The following HHIPL2 variants were observed in gnomAD, a reference collection of about 807,000 sequenced individuals.
HHIPL2 encodes HHIP like 2, also known as HHIP-like protein 2.
In HHIPL2, 61 loss-of-function variants were observed where a neutral mutation model predicts 61.0. The observed-to-expected ratio is 1.00, with a 90% confidence interval of 0.81 to 1.24. HHIPL2 has a LOEUF of 1.24. HHIPL2 is among the 50% of genes most tolerant of loss of function. HHIPL2 has a pLI of 0.00. For synonymous variants in HHIPL2, 343 were observed against 357.4 expected, an observed-to-expected ratio of 0.96 and a Z score of 0.45; for missense variants, 885 against 910.2, an observed-to-expected ratio of 0.97 and a Z score of 0.36.
intron 3 of HHIPL2, among the ~76,000 whole-genome samples, chr1:222,541,316 C>G (rs1348577510): frequency 6.6e-6 from 1 of 152,186 alleles, no homozygotes. Flanking sequence ...AAGACAGCAT[C>G]ACTGGGCTCT....
chr1:222,543,533 TC>T lies in HHIPL2; in HGVS notation c.974+3del. 1 of 1,608,488 alleles carries T rather than the reference TC, an allele frequency of 6.2e-7. No homozygotes were observed. Among genetic ancestry groups the T allele is most frequent in the Non-Finnish European group, 8.5e-7 (1 of 1,176,412 alleles). On this transcript the variant is annotated splice_donor_region_variant and intron_variant, in intron 2 of 8. Transcript: ENST00000343410. ...AGCTGTAGGCTCTCATGAGTACCTC[TC>T]ACCTCTCTGATTTCAGGTCAGCTTT... is the stretch of plus-strand genomic sequence containing the variant.
rs1659482418 is a variant in HHIPL2, at chr1:222,543,610, C to T, written c.901G>A (p.Val301Ile). 6.2e-7 allele frequency: 1 copy of T among 1,614,032 alleles called. No individual in the cohort carries two copies. Residue 301 changes from valine to isoleucine, a missense_variant, in exon 2 of 9, where the codon GTA becomes ATA. By Grantham distance (29) the Val-to-Ile change is conservative (BLOSUM62 3). Coordinates refer to ENST00000343410, the MANE Select transcript of HHIPL2 (RefSeq NM_024746.4). The part of the protein sequence containing the change: ...IYYSCLDKKK[V>I]EKIRISEMKV... Reference sequence around the variant, plus strand: ...ATCTCACTAATTCGGATCTTTTCTACCTTCTTCTTGTCCAGGCACGAATAA... The same window carrying T: ...ATCTCACTAATTCGGATCTTTTCTATCTTCTTCTTGTCCAGGCACGAATAA...
intron 5 of HHIPL2, among the ~76,000 whole-genome samples, chr1:222,533,795 G>A (rs1363006160): frequency 6.6e-6 from 1 of 152,154 alleles, no homozygotes; most frequent in Non-Finnish European, 1.5e-5. Flanking sequence ...TACAGGCAAA[G>A]CCCAGCAGGC....
intron 6 of HHIPL2, among the ~76,000 whole-genome samples, chr1:222,527,493 T>G (rs1659094558): frequency 6.6e-6 from 1 of 152,152 alleles, no homozygotes; most frequent in Non-Finnish European, 1.5e-5. Flanking sequence ...CCCTTCAGCC[T>G]CACTCCCATT....
At chr1:222,532,650 G>C (rs1472206089) in intron 5 of HHIPL2, among the ~76,000 whole-genome samples, 1 of 151,358 alleles carries the variant, frequency 6.6e-6, no homozygotes, top group Non-Finnish European at 1.5e-5. Context: ...TGCTGTGTAG[G>C]CTGCACCACT....
chr1:222,538,850 T>G, intron 4 of HHIPL2, 76 bp from the exon 5 acceptor site: 1 of 1,488,390 alleles, frequency 6.7e-7, no homozygotes, highest in Non-Finnish European at 9.2e-7. Flanking sequence ...AGGGGACTTT[T>G]TAATGCAGTT....
chr1:222,544,180 G>T lies in HHIPL2; in HGVS notation c.331C>A (p.Pro111Thr). 1.2e-6 allele frequency: 2 copies of T among 1,611,238 alleles called. No individual in the cohort carries two copies. The highest frequency in any genetic ancestry group is 3.3e-4 in the Middle Eastern group (2 of 6,050). ...GCGTCGTAGAGGTGGGCTGCGTAGG[G>T]CGAGCACTCCTAAAAAAGAACGCGG... ...IKDILCQECS[P>T]YAAHLYDAEN... is the part of the protein sequence containing the mutation. Residue 111 changes from proline (P) to threonine (T), a missense_variant, in exon 2 of 9, where the codon CCC becomes ACC. Transcript: ENST00000343410.
At position 222,522,859 on chromosome 1, in the gene HHIPL2, T is replaced by C; in HGVS notation, c.1917A>G (p.Gln639=). Reference sequence around the variant, plus strand: ...AAGATTTTCTAGCAGCTTTCTCTGATTGTTCCTTTAGCAAGTCCAAGACTG... The same window carrying C: ...AAGATTTTCTAGCAGCTTTCTCTGACTGTTCCTTTAGCAAGTCCAAGACTG... ...AKTVLDLLKE[Q]SEKAARKSSS... is the part of the protein sequence containing the mutation. The change falls in exon 9 of 9, where the codon CAA becomes CAG. Residue 639 remains glutamine, a synonymous_variant. Coordinates refer to ENST00000343410, the MANE Select transcript of HHIPL2 (RefSeq NM_024746.4). 1 of 1,614,198 alleles carries C rather than the reference T, an allele frequency of 6.2e-7. No individual in the cohort carries two copies. The highest frequency in any genetic ancestry group is 8.5e-7 in the Non-Finnish European group (1 of 1,180,026).
intron 1 of HHIPL2, among the ~76,000 whole-genome samples, chr1:222,546,244 T>C (rs17163191): frequency 0.18 from 26,854 of 152,078 alleles, 2,669 homozygotes; most frequent in Middle Eastern, 0.25. Context: ...GCTGTAACTA[T>C]ACTTTAGCAC....
chr1:222,523,598 A>T lies in HHIPL2; in HGVS notation c.1888+14T>A, dbSNP rs1433480452. On this transcript the variant is annotated intron_variant, in intron 8 of 8. Transcript: ENST00000343410. ...ACACCAAGGCCTGAGCCTAAGACTC[A>T]AAGATGGACTCACTGGCGAGTGGTC... 2 of 1,613,578 alleles carry T rather than the reference A, an allele frequency of 1.2e-6. No homozygotes were observed. The highest frequency in any genetic ancestry group is 3.3e-5 in the Admixed American group (2 of 60,012).
At chr1:222,527,577 T>A (rs1319374250) in intron 6 of HHIPL2, among the ~76,000 whole-genome samples, 1 of 152,128 alleles carries the variant, frequency 6.6e-6, no homozygotes, top group African/African-American at 2.4e-5. Context: ...CCTCTCGGTC[T>A]TTTCCATGCC....
In HHIPL2 at chr1:222,542,156, C is replaced by T; in HGVS notation, c.975-1G>A. The T allele has an allele frequency of 6.2e-7, 1 of 1,611,744 alleles. No homozygotes were observed. Among genetic ancestry groups the T allele is most frequent in the Non-Finnish European group, 8.5e-7 (1 of 1,179,508 alleles). ...TGGTTCTTCAATCTCCAAGATGACC[C>T]TGGAAGAGAAAAAAGAAACCACACG... On this transcript the variant is annotated splice_acceptor_variant, in intron 2 of 8. Transcript: ENST00000343410. LOFTEE classifies it high-confidence loss of function.
At chr1:222,536,795 A>G (rs1307698686) in intron 5 of HHIPL2, among the ~76,000 whole-genome samples, 1 of 152,154 alleles carries the variant, frequency 6.6e-6, no homozygotes. Context: ...CATGCCTGTA[A>G]TCCTAGCACT....
chr1:222,522,902 T>C lies in HHIPL2; in HGVS notation c.1889-15A>G, dbSNP rs1658985630. On this transcript the variant is annotated splice_polypyrimidine_tract_variant and intron_variant, in intron 8 of 8. Coordinates refer to ENST00000343410, the MANE Select transcript of HHIPL2 (RefSeq NM_024746.4). ...CAAGACTGTCTCTGAGAAATCAGTA[T>C]TTATTTAGTGAAAAATATAAGTCCC... is the stretch of plus-strand genomic sequence containing the variant. The C allele has an allele frequency of 6.2e-7, 1 of 1,601,484 alleles. No individual in the cohort carries two copies. Among genetic ancestry groups the C allele is most frequent in the Non-Finnish European group, 8.5e-7 (1 of 1,173,786 alleles).
chr1:222,546,050 A>ATAAATAAATAAATAAATAAG, intron 1 of HHIPL2, among the ~76,000 whole-genome samples: 1 of 145,352 alleles, frequency 6.9e-6, no homozygotes, highest in East Asian at 2.6e-4. Flanking sequence ...GTCTCAAAAA[A>ATAAATAAATAAATAAATAAG]TAAATAAATA....
At chr1:222,538,523 T>G (rs914665265) in intron 5 of HHIPL2, 125 bp downstream of exon 5, 3 of 843,040 alleles carry the variant, frequency 3.6e-6, no homozygotes, top group East Asian at 5.3e-5. Flanking sequence ...GTAATATGAG[T>G]GCATACATTT....
intron 7 of HHIPL2, among the ~76,000 whole-genome samples, chr1:222,526,743 C>G (rs992686915): frequency 7.0e-6 from 1 of 143,438 alleles, no homozygotes; most frequent in African/African-American, 2.5e-5. Flanking sequence ...CAGACCTAGA[C>G]TAACCCTAGA....
chr1:222,547,998 C>T lies in HHIPL2; in HGVS notation c.47G>A (p.Arg16Gln), dbSNP rs188311738. The change falls in exon 1 of 9, where the codon CGG becomes CAG. Residue 16 changes from arginine to glutamine, a missense_variant. Physicochemically the swap from Arg to Gln is conservative, Grantham distance 43. Transcript: ENST00000343410. ...AATGCCAGAAGAGAGCCAGGGGGCC[C>T]GGCAATGCAGACCACCACACAGATT... ...TPNLCGGLHC[R>Q]APWLSSGILC... The T allele has an allele frequency of 3.9e-5, 63 of 1,603,636 alleles. No homozygotes were observed. Among genetic ancestry groups the T allele is most frequent in the Non-Finnish European group, 5.2e-5 (61 of 1,173,840 alleles).
intron 8 of HHIPL2, 71 bp from the exon 9 acceptor site, chr1:222,522,958 G>C (rs1658986416): frequency 1.7e-6 from 2 of 1,193,062 alleles, no homozygotes; most frequent in Admixed American, 4.5e-5. Context: ...AACTATAACT[G>C]CATTATAGTT....
Sources: gnomAD v4.1 joint callset for allele counts (sites outside exome capture counted in the v4.1 genomes callset) on GRCh38, gnomAD v4.1.1 for gene constraint, MANE v1.5 for transcripts, NCBI Gene and HGNC (gene_info 2026-07-23, HGNC 2026-07-21) for gene names.